The following IGF1R variants were observed in gnomAD, a reference collection of about 807,000 sequenced individuals.
The protein encoded by IGF1R is insulin-like growth factor 1 receptor.
In IGF1R, 44 loss-of-function variants were observed where a neutral mutation model predicts 144.6. That is an observed-to-expected ratio of 0.30 (90% CI 0.24 to 0.39). The LOEUF is 0.39. Ranked by LOEUF, IGF1R falls within the 10% of genes least tolerant of loss-of-function variation. The pLI, the probability that IGF1R is intolerant of heterozygous loss-of-function variation, is 1.00. For missense variants in IGF1R, 1,355 were observed against 1,833.7 expected (o/e 0.74, Z 4.77); for synonymous variants, 795 against 722.8 (o/e 1.10, Z -1.60).
intron 3 of IGF1R, among the ~76,000 whole-genome samples, chr15:98,894,182 C>G (rs1418450002): frequency 6.6e-6 from 1 of 152,170 alleles, no homozygotes; most frequent in East Asian, 1.9e-4. Context: ...TCAAGTGATC[C>G]TCCTGCCTCA....
chr15:98,928,273 T>C (rs925867063), intron 13 of IGF1R, among the ~76,000 whole-genome samples: 1 of 152,194 alleles, frequency 6.6e-6, no homozygotes, highest in African/African-American at 2.4e-5. Context: ...TGAGTCTGCC[T>C]GGTGTAAAGA....
intron 1 of IGF1R, among the ~76,000 whole-genome samples, chr15:98,652,005 G>A (rs955252078): frequency 6.6e-6 from 1 of 151,790 alleles, no homozygotes; most frequent in Non-Finnish European, 1.5e-5. Context: ...CGTTCTTTCA[G>A]CTGTTGTCTG....
intron 2 of IGF1R, among the ~76,000 whole-genome samples, chr15:98,713,574 G>A (rs1371763433): frequency 6.6e-6 from 1 of 152,178 alleles, no homozygotes; most frequent in Non-Finnish European, 1.5e-5. Flanking sequence ...AAAGGTTGAA[G>A]CTTGGCACGT....
chr15:98,842,970 T>C (rs1277392335), intron 2 of IGF1R, among the ~76,000 whole-genome samples: 1 of 152,204 alleles, frequency 6.6e-6, no homozygotes, highest in Non-Finnish European at 1.5e-5. Flanking sequence ...TAAATGGCAA[T>C]ATGTGTAACG....
At chr15:98,736,790 T>G (rs1388088328) in intron 2 of IGF1R, among the ~76,000 whole-genome samples, 1 of 151,954 alleles carries the variant, frequency 6.6e-6, no homozygotes, top group African/African-American at 2.4e-5. Context: ...TTTTTGTATT[T>G]TAGTAGAGAC....
At chr15:98,909,033 A>G in intron 6 of IGF1R, 134 bp downstream of exon 6, 1 of 762,782 alleles carries the variant, frequency 1.3e-6, no homozygotes. Flanking sequence ...CATCTTAACT[A>G]GCACTTTGCT....
At chr15:98,754,568 A>C (rs2055101712) in intron 2 of IGF1R, among the ~76,000 whole-genome samples, 2 of 152,214 alleles carry the variant, frequency 1.3e-5, no homozygotes, top group South Asian at 4.1e-4. Flanking sequence ...ACTGAACAGG[A>C]GTCCCCACTG....
intron 2 of IGF1R, among the ~76,000 whole-genome samples, chr15:98,745,747 A>T (rs924926484): frequency 2.0e-5 from 3 of 152,222 alleles, no homozygotes; most frequent in Non-Finnish European, 1.5e-5. Flanking sequence ...TGAAATCTAC[A>T]CATTTATCAA....
chr15:98,650,173 G>C (rs1230441259), intron 1 of IGF1R, among the ~76,000 whole-genome samples: 2 of 152,168 alleles, frequency 1.3e-5, no homozygotes, highest in Non-Finnish European at 2.9e-5. Flanking sequence ...CGCCCGGCCC[G>C]CGGGGTGCGA....
chr15:98,763,103 T>G (rs547381716), intron 2 of IGF1R, among the ~76,000 whole-genome samples: 1 of 152,196 alleles, frequency 6.6e-6, no homozygotes, highest in Non-Finnish European at 1.5e-5. Context: ...GTTTTTCTGT[T>G]ACAGAGATCA....
chr15:98,860,819 C>T (rs1222427076), intron 2 of IGF1R, among the ~76,000 whole-genome samples: 2 of 152,142 alleles, frequency 1.3e-5, no homozygotes, highest in African/African-American at 2.4e-5. Flanking sequence ...TTTGCCACTT[C>T]CTTTTTGCTG....
At chr15:98,649,772 T>C (rs2052303576) in intron 1 of IGF1R, 97 bp downstream of exon 1, 2 of 931,582 alleles carry the variant, frequency 2.1e-6, no homozygotes, top group Non-Finnish European at 3.4e-6. Flanking sequence ...GTCGCAGCTG[T>C]CGGGCCCCCG....
At chr15:98,810,365 T>A (rs577924517) in intron 2 of IGF1R, among the ~76,000 whole-genome samples, 13 of 152,294 alleles carry the variant, frequency 8.5e-5, no homozygotes, top group Non-Finnish European at 1.9e-4. Context: ...ACCCCCAAAT[T>A]AAAACCCTGC....
chr15:98,799,117 G>A (rs1048346435), intron 2 of IGF1R, among the ~76,000 whole-genome samples: 2 of 152,118 alleles, frequency 1.3e-5, no homozygotes, highest in African/African-American at 4.8e-5. Context: ...TGGTTGAAGG[G>A]CGATGTTTAA....
In IGF1R at chr15:98,764,503, T is replaced by A. The variant is rs568532092; in HGVS notation, c.640+56396T>A. On this transcript the variant is annotated intron_variant, in intron 2 of 20. Transcript: ENST00000650285. Reference sequence around the variant, plus strand: ...CATATGGAAGAATGCTGGGATCTTTTACCAAATAAGGGAAAGTAGAGTTCA... The same window carrying A: ...CATATGGAAGAATGCTGGGATCTTTAACCAAATAAGGGAAAGTAGAGTTCA... 3.9e-5 allele frequency among the ~76,000 whole-genome samples: 6 copies of A among 152,340 alleles called. No individual in the cohort carries two copies. In the East Asian group the frequency reaches 1.2e-3, roughly 29 times the overall value.
chr15:98,685,246 G>A (rs1220036245), intron 1 of IGF1R, among the ~76,000 whole-genome samples: 3 of 152,104 alleles, frequency 2.0e-5, no homozygotes, highest in African/African-American at 7.2e-5. Context: ...TGCCCGGCTG[G>A]AACTGTTGGC....
At chr15:98,837,745 A>G (rs897184954) in intron 2 of IGF1R, among the ~76,000 whole-genome samples, 6 of 152,152 alleles carry the variant, frequency 3.9e-5, no homozygotes, top group African/African-American at 1.4e-4. Flanking sequence ...ATTGTCATTT[A>G]TTCATTGGAA....
chr15:98,776,895 C>G (rs553582676), intron 2 of IGF1R, among the ~76,000 whole-genome samples: 75 of 152,334 alleles, frequency 4.9e-4, no homozygotes, highest in Non-Finnish European at 9.4e-4. Flanking sequence ...AGGTATGTGT[C>G]AAGCCACTGT....
At chr15:98,821,235 C>G (rs983099876) in intron 2 of IGF1R, among the ~76,000 whole-genome samples, 1 of 151,974 alleles carries the variant, frequency 6.6e-6, no homozygotes, top group Non-Finnish European at 1.5e-5. Flanking sequence ...TCTGGTTTTT[C>G]CCTTCCTCTG....
Sources: gnomAD v4.1 joint callset for allele counts (sites outside exome capture counted in the v4.1 genomes callset) on GRCh38, gnomAD v4.1.1 for gene constraint, MANE v1.5 for transcripts, NCBI Gene and HGNC (gene_info 2026-07-23, HGNC 2026-07-21) for gene names.